The following TMEFF2 variants were observed in gnomAD, a reference collection of about 807,000 sequenced individuals.
TMEFF2 encodes the protein transmembrane protein with EGF like and two follistatin like domains 2.
A neutral mutation model predicts 53.8 loss-of-function variants in TMEFF2; 28 were observed. The ratio of observed to expected loss-of-function variants is 0.52; its 90% CI spans 0.39 to 0.71. The LOEUF (loss-of-function observed/expected upper bound fraction) is 0.71, where lower values mean the gene tolerates loss of function less well. TMEFF2 is among the 30% of genes least tolerant of loss of function. The probability of loss-of-function intolerance (pLI) is 0.00; values close to 1 mark genes in which losing one functional copy is unlikely to be tolerated. For missense variants in TMEFF2, 353 were observed against 455.2 expected (o/e 0.78, Z 2.04); for synonymous variants, 162 against 166.3 (o/e 0.97, Z 0.20).
intron 4 of TMEFF2, among the ~76,000 whole-genome samples, chr2:192,098,308 G>A (rs972785248): frequency 6.6e-6 from 1 of 152,136 alleles, no homozygotes; most frequent in African/African-American, 2.4e-5. Context: ...AAAATTATGT[G>A]TGTTTAATAT....
intron 4 of TMEFF2, chr2:192,177,791 GA>G (rs1488603047): frequency 6.6e-6 from 1 of 150,844 alleles, no homozygotes; most frequent in Admixed American, 6.6e-5. Context: ...ATTATTTCCT[GA>G]AAAAATGTCT....
At chr2:192,015,308 C>CTTTTTTTTTTTTT (rs34696715) in intron 5 of TMEFF2, among the ~76,000 whole-genome samples, 3 of 76,276 alleles carry the variant, frequency 3.9e-5, no homozygotes, top group African/African-American at 5.5e-5. Context: ...ATCACTGAAG[C>CTTTTTTTTTTTTT]TTTTTTTTTT....
intron 5 of TMEFF2, among the ~76,000 whole-genome samples, chr2:192,045,242 C>G (rs899421941): frequency 2.6e-5 from 4 of 152,168 alleles, no homozygotes; most frequent in African/African-American, 9.7e-5. Flanking sequence ...AAAAATCCTT[C>G]CAGTAGGCAG....
chr2:192,127,101 C>G (rs1689695961), intron 4 of TMEFF2, among the ~76,000 whole-genome samples: 1 of 152,204 alleles, frequency 6.6e-6, no homozygotes, highest in Non-Finnish European at 1.5e-5. Context: ...ATCCCTCCAC[C>G]AGGCTTTCTG....
At chr2:191,972,149 T>G (rs1319644402) in intron 7 of TMEFF2, among the ~76,000 whole-genome samples, 6 of 254 alleles carry the variant, frequency 0.024, no homozygotes, top group Admixed American at 0.25. Context: ...TGTTTTTTTG[T>G]TTTTTTTTTT....
intron 4 of TMEFF2, among the ~76,000 whole-genome samples, chr2:192,137,895 A>G (rs1025338957): frequency 4.0e-5 from 6 of 151,618 alleles, no homozygotes; most frequent in African/African-American, 1.5e-4. Flanking sequence ...CTCCACCCCC[A>G]CAGTTCAAGT....
intron 8 of TMEFF2, among the ~76,000 whole-genome samples, 199 bp downstream of exon 8, chr2:191,956,056 A>T (rs947119423): frequency 6.6e-6 from 1 of 151,206 alleles, no homozygotes; most frequent in Non-Finnish European, 1.5e-5. Flanking sequence ...TTGAGTGTGT[A>T]AGGTGCACAT....
chr2:192,192,521 G>A (rs1276665006), intron 1 of TMEFF2, among the ~76,000 whole-genome samples: 1 of 152,170 alleles, frequency 6.6e-6, no homozygotes, highest in Non-Finnish European at 1.5e-5. Flanking sequence ...TGTTTTCTGT[G>A]ATGGTCTGTT....
chr2:192,063,597 C>G (rs865795014), intron 4 of TMEFF2, among the ~76,000 whole-genome samples: 4 of 151,730 alleles, frequency 2.6e-5, no homozygotes, highest in African/African-American at 9.7e-5. Context: ...TTCAAATCAT[C>G]CATAACTGTA....
At chr2:192,172,963 A>T (rs558530529) in intron 4 of TMEFF2, among the ~76,000 whole-genome samples, 4 of 152,048 alleles carry the variant, frequency 2.6e-5, no homozygotes, top group African/African-American at 9.6e-5. Flanking sequence ...TCTGATCTTC[A>T]TCTACACATC....
chr2:192,151,370 T>G (rs1690383705), intron 4 of TMEFF2, among the ~76,000 whole-genome samples: 1 of 151,906 alleles, frequency 6.6e-6, no homozygotes, highest in East Asian at 1.9e-4. Context: ...TGAGAACCAT[T>G]GGTCTGCTAC....
At chr2:191,971,795 GAGAT>G (rs1428389918) in intron 7 of TMEFF2, among the ~76,000 whole-genome samples, 1 of 152,146 alleles carries the variant, frequency 6.6e-6, no homozygotes, top group Non-Finnish European at 1.5e-5. Context: ...ATTAGAGAGT[GAGAT>G]AGGCAATAGA....
intron 5 of TMEFF2, among the ~76,000 whole-genome samples, chr2:192,027,682 A>G (rs1440893120): frequency 6.6e-6 from 1 of 152,218 alleles, no homozygotes; most frequent in Non-Finnish European, 1.5e-5. Context: ...GCATGTGGCC[A>G]GTGCACACAG....
intron 4 of TMEFF2, among the ~76,000 whole-genome samples, chr2:192,071,709 T>C (rs553978945): frequency 6.6e-6 from 1 of 152,030 alleles, no homozygotes; most frequent in East Asian, 1.9e-4. Context: ...GTGCTACTTA[T>C]ACTACTACAA....
intron 5 of TMEFF2, among the ~76,000 whole-genome samples, chr2:192,040,464 T>A (rs1171858878): frequency 1.3e-5 from 2 of 152,124 alleles, no homozygotes; most frequent in African/African-American, 4.8e-5. Flanking sequence ...CTAGCTAATA[T>A]GAAAAACTTG....
intron 7 of TMEFF2, among the ~76,000 whole-genome samples, chr2:191,964,395 TTTC>T (rs1692401503): frequency 1.9e-5 from 1 of 52,740 alleles, no homozygotes; most frequent in African/African-American, 7.9e-5. Flanking sequence ...TCTTTCTTTC[TTTC>T]TCTTTCTTTC....
chr2:192,073,826 G>A (rs1306765314), intron 4 of TMEFF2, among the ~76,000 whole-genome samples: 1 of 151,774 alleles, frequency 6.6e-6, no homozygotes, highest in Non-Finnish European at 1.5e-5. Flanking sequence ...TATATTCTTG[G>A]TAAATATTAT....
At chr2:192,104,161 G>A (rs1320836556) in intron 4 of TMEFF2, among the ~76,000 whole-genome samples, 2 of 152,168 alleles carry the variant, frequency 1.3e-5, no homozygotes, top group Non-Finnish European at 2.9e-5. Context: ...AAAGGGGGTA[G>A]CAGTAGGCAT....
chr2:192,034,233 A>C (rs1423343826), intron 5 of TMEFF2, among the ~76,000 whole-genome samples: 2 of 152,154 alleles, frequency 1.3e-5, no homozygotes, highest in Admixed American at 6.6e-5. Flanking sequence ...TCAAGAAAAA[A>C]TAAAATTTAA....
Sources: gnomAD v4.1 joint callset for allele counts (sites outside exome capture counted in the v4.1 genomes callset) on GRCh38, gnomAD v4.1.1 for gene constraint, MANE v1.5 for transcripts, NCBI Gene and HGNC (gene_info 2026-07-23, HGNC 2026-07-21) for gene names.